The following DNM3 variants were observed in gnomAD, a reference collection of about 807,000 sequenced individuals.
DNM3 encodes dynamin 3.
Under a neutral mutation model 101.6 loss-of-function variants are expected in DNM3, and 47 were observed. That is an observed-to-expected ratio of 0.46 (90% confidence interval 0.37 to 0.59). DNM3 has a LOEUF of 0.59. Among genes scored for constraint, DNM3 ranks in the 20% least tolerant of loss-of-function variants. DNM3 has a pLI of 0.00. For missense variants in DNM3, 849 were observed against 1,085.7 expected, an observed-to-expected ratio of 0.78 and a Z score of 3.06; for synonymous variants, 385 against 387.9, an observed-to-expected ratio of 0.99 and a Z score of 0.09.
chr1:171,860,917 T>G (rs2034108785), intron 1 of DNM3, among the ~76,000 whole-genome samples: 1 of 152,044 alleles, frequency 6.6e-6, no homozygotes, highest in African/African-American at 2.4e-5. Context: ...GTTGAACATC[T>G]AAGGTATGGA....
At chr1:172,158,407 A>G (rs189249031) in intron 14 of DNM3, among the ~76,000 whole-genome samples, 1 of 152,146 alleles carries the variant, frequency 6.6e-6, no homozygotes, top group Admixed American at 6.6e-5. Context: ...AAGCATATGA[A>G]AAAAGGAGAA....
At chr1:172,221,474 G>A (rs1315409800) in intron 14 of DNM3, among the ~76,000 whole-genome samples, 5 of 152,062 alleles carry the variant, frequency 3.3e-5, no homozygotes, top group African/African-American at 9.7e-5. Flanking sequence ...AGCAAATGCC[G>A]TTCACTTTAA....
intron 4 of DNM3, among the ~76,000 whole-genome samples, chr1:171,990,919 G>T (rs1342404470): frequency 6.6e-6 from 1 of 152,066 alleles, no homozygotes; most frequent in Non-Finnish European, 1.5e-5. Flanking sequence ...ATTATAAACT[G>T]GGACTGGAAT....
rs16844416 is a variant in DNM3, at chr1:172,408,049, G to A, written c.*208G>A. ...CTCAGAAACTGCTAACCTTTTAGAG[G>A]CTTTATATGTTGTACTGACCAAGGT... On this transcript the variant is annotated 3_prime_UTR_variant, in exon 21 of 21. Transcript: ENST00000627582. The A allele has an allele frequency of 3.5e-3, 4,897 of 1,417,056 alleles. 135 individuals carry two copies. The African/African-American group carries it at 0.06, about 17-fold the overall frequency. The allele number at this position is 1,417,056 out of a possible 1,614,324, so 87.8% of individuals were successfully genotyped here.
chr1:172,384,714 T>C (rs763753196), intron 18 of DNM3, among the ~76,000 whole-genome samples: 1 of 152,268 alleles, frequency 6.6e-6, no homozygotes, highest in Non-Finnish European at 1.5e-5. Context: ...GCTTTAAATC[T>C]ATTCTTGGAA....
intron 14 of DNM3, among the ~76,000 whole-genome samples, chr1:172,189,144 T>C (rs537041584): frequency 6.6e-6 from 1 of 152,188 alleles, no homozygotes; most frequent in East Asian, 1.9e-4. Context: ...ATTGCCTTTT[T>C]CCCTTTGTCC....
chr1:171,992,872 C>CT (rs1466303750), intron 4 of DNM3, among the ~76,000 whole-genome samples: 1 of 151,482 alleles, frequency 6.6e-6, no homozygotes, highest in Non-Finnish European at 1.5e-5. Context: ...ATTTATTTTA[C>CT]TTTTTTGTTA....
intron 2 of DNM3, among the ~76,000 whole-genome samples, chr1:171,977,091 A>G (rs963266529): frequency 1.2e-4 from 19 of 152,224 alleles, no homozygotes; most frequent in Non-Finnish European, 2.4e-4. Context: ...GCTGTCTCAG[A>G]ATTAGTACAT....
intron 2 of DNM3, among the ~76,000 whole-genome samples, chr1:171,945,771 T>G (rs2042136246): frequency 6.6e-6 from 1 of 152,180 alleles, no homozygotes. Flanking sequence ...CGTGGGATGT[T>G]GGATAACCTA....
chr1:172,159,608 C>A (rs1357028365), intron 14 of DNM3, among the ~76,000 whole-genome samples: 1 of 152,046 alleles, frequency 6.6e-6, no homozygotes, highest in East Asian at 1.9e-4. Context: ...ACTTTTGATT[C>A]TATTCCTGCC....
At chr1:171,954,591 C>G (rs1230519957) in intron 2 of DNM3, among the ~76,000 whole-genome samples, 1 of 152,212 alleles carries the variant, frequency 6.6e-6, no homozygotes, top group Non-Finnish European at 1.5e-5. Flanking sequence ...AGTGCTCTCA[C>G]AGCTGATACG....
chr1:172,065,911 C>A (rs74719812), intron 10 of DNM3, among the ~76,000 whole-genome samples: 6,460 of 152,170 alleles, frequency 0.042, 238 homozygotes, highest in East Asian at 0.17. Context: ...AGTAGACTTG[C>A]AGCAATGGAA....
intron 13 of DNM3, among the ~76,000 whole-genome samples, chr1:172,106,726 G>C (rs1242782676): frequency 1.3e-5 from 2 of 150,344 alleles, no homozygotes; most frequent in South Asian, 4.2e-4. Flanking sequence ...TATGTAATTT[G>C]TTATATTGAT....
At chr1:172,302,317 G>A (rs1328244909) in intron 15 of DNM3, among the ~76,000 whole-genome samples, 2 of 152,234 alleles carry the variant, frequency 1.3e-5, no homozygotes, top group East Asian at 3.8e-4. Context: ...CTAGCAGGGG[G>A]AGGGGTGTCC....
At chr1:171,948,822 A>G (rs1033086992) in intron 2 of DNM3, among the ~76,000 whole-genome samples, 14 of 152,150 alleles carry the variant, frequency 9.2e-5, no homozygotes, top group Non-Finnish European at 1.9e-4. Flanking sequence ...TGTAAACTAC[A>G]ACTAAATTAT....
chr1:172,208,134 T>C (rs1287987197), intron 14 of DNM3, among the ~76,000 whole-genome samples: 2 of 152,096 alleles, frequency 1.3e-5, no homozygotes, highest in African/African-American at 2.4e-5. Flanking sequence ...TGACTGATAG[T>C]ATCTCAACTA....
chr1:171,925,884 A>G (rs1052132929), intron 2 of DNM3, among the ~76,000 whole-genome samples: 1 of 152,170 alleles, frequency 6.6e-6, no homozygotes, highest in African/African-American at 2.4e-5. Flanking sequence ...ATTTTTGTAT[A>G]TGGTGAGAGA....
At chr1:172,256,768 T>G (rs544611336) in intron 15 of DNM3, among the ~76,000 whole-genome samples, 7 of 152,126 alleles carry the variant, frequency 4.6e-5, no homozygotes, top group Middle Eastern at 3.4e-3. Context: ...AGCTCATTAA[T>G]TTTTATCCTT....
At chr1:172,331,239 A>G (rs1026936562) in intron 17 of DNM3, among the ~76,000 whole-genome samples, 2 of 152,154 alleles carry the variant, frequency 1.3e-5, no homozygotes, top group Non-Finnish European at 2.9e-5. Flanking sequence ...ATATACAAAT[A>G]ATGTATACTG....
Sources: gnomAD v4.1 joint callset for allele counts (sites outside exome capture counted in the v4.1 genomes callset) on GRCh38, gnomAD v4.1.1 for gene constraint, MANE v1.5 for transcripts, NCBI Gene and HGNC (gene_info 2026-07-23, HGNC 2026-07-21) for gene names.